The following YWHAQ variants were observed in gnomAD, a reference collection of about 807,000 sequenced individuals.
The protein encoded by YWHAQ is tyrosine 3-monooxygenase/tryptophan 5-monooxygenase activation protein theta.
In YWHAQ, 6 loss-of-function variants were observed where a neutral mutation model predicts 28.3. The ratio of observed to expected loss-of-function variants is 0.21; its 90% confidence interval spans 0.12 to 0.42. The LOEUF is 0.42. Ranked by LOEUF, YWHAQ falls within the 10% of genes least tolerant of loss-of-function variation. The pLI is 1.00. For synonymous variants in YWHAQ, 143 were observed against 119.1 expected (o/e 1.20, Z -1.31); for missense variants, 201 against 305.6 (o/e 0.66, Z 2.55).
Position 9,630,027 on chromosome 2 carries a change from G to T in YWHAQ, c.294+132C>A. 8.5e-7 allele frequency: 1 copy of T among 1,182,980 alleles called. No individual in the cohort carries two copies. Among genetic ancestry groups the T allele is most frequent in the Non-Finnish European group, 1.2e-6 (1 of 850,134 alleles). 73.3% of individuals were successfully genotyped at this position (1,182,980 alleles called of 1,614,324 possible). A position where few individuals can be genotyped will look rare whatever the true frequency, so the allele number is the denominator to read the frequency against. ...GGAGGGACACAGTAGGGAAGTCAGG[G>T]CTCACCTAAAACCCTCCACCCCAGC... On this transcript the variant is annotated intron_variant, in intron 2 of 5. Transcript: ENST00000238081. The surrounding 1 kb of genome is among the most constrained non-coding windows in gnomAD (Gnocchi z 5.6).
intron 3 of YWHAQ, among the ~76,000 whole-genome samples, chr2:9,590,264 T>A (rs1201067391): frequency 6.6e-6 from 1 of 152,214 alleles, no homozygotes; most frequent in Non-Finnish European, 1.5e-5. Flanking sequence ...CGTGCCCGTA[T>A]CATGTCCAAT....
At chr2:9,617,311 A>G (rs1050314048) in intron 2 of YWHAQ, among the ~76,000 whole-genome samples, 1 of 152,148 alleles carries the variant, frequency 6.6e-6, no homozygotes, top group South Asian at 2.1e-4. Flanking sequence ...CCACAAAAAG[A>G]AGCACAAAAT....
In YWHAQ at chr2:9,585,325, T is replaced by A. The variant is rs768281092; in HGVS notation, c.699A>T (p.Ala233=). The A allele has an allele frequency of 6.2e-7, 1 of 1,614,142 alleles. No individual in the cohort carries two copies. The highest frequency in any genetic ancestry group is 8.5e-7 in the Non-Finnish European group (1 of 1,179,980). Residue 233 remains alanine (A), a synonymous_variant, in exon 6 of 6, where the codon GCA becomes GCT. Transcript: ENST00000238081. Reference sequence around the variant, plus strand: ...CTTCTGCCGCATCACATTCTTCTCCTGCACTGTCTGATGTCCAAAGCTAGA... The same window carrying A: ...CTTCTGCCGCATCACATTCTTCTCCAGCACTGTCTGATGTCCAAAGCTAGA... ...DNLTLWTSDS[A]GEECDAAEGA... is the part of the protein sequence containing the mutation.
chr2:9,630,542 G>T lies in YWHAQ; in HGVS notation c.-82-8C>A. On this transcript the variant is annotated splice_polypyrimidine_tract_variant and splice_region_variant and intron_variant, in intron 1 of 5. Coordinates refer to ENST00000238081, the MANE Select transcript of YWHAQ (RefSeq NM_006826.4). This position sits in a 1 kb window ranked among gnomAD's most constrained non-coding sequence, Gnocchi z 5.6. ...CGGGAGGAGCCTCGAGAGCTGCGGA[G>T]GGGCGGGGCGGCGAGGCGAGAACAA... 4 of 1,293,628 alleles carry T rather than the reference G, an allele frequency of 3.1e-6. No individual in the cohort carries two copies. The highest frequency in any genetic ancestry group is 4.1e-6 in the Non-Finnish European group (4 of 970,802). The allele number at this position is 1,293,628 out of a possible 1,614,324, so 80.1% of individuals were successfully genotyped here. A position where few individuals can be genotyped will look rare whatever the true frequency, so the allele number is the denominator to read the frequency against.
chr2:9,595,088 G>A (rs1280100761), intron 2 of YWHAQ, among the ~76,000 whole-genome samples: 1 of 152,194 alleles, frequency 6.6e-6, no homozygotes, highest in Non-Finnish European at 1.5e-5. Flanking sequence ...CCATCCTGGA[G>A]TTTCAGCCAG....
intron 2 of YWHAQ, among the ~76,000 whole-genome samples, chr2:9,595,666 C>T (rs1666553988): frequency 6.7e-6 from 1 of 148,358 alleles, no homozygotes; most frequent in South Asian, 2.1e-4. Context: ...ATATTGCACT[C>T]CAGCCTGGGC....
At chr2:9,626,586 G>T (rs1558552544) in intron 2 of YWHAQ, among the ~76,000 whole-genome samples, 1 of 152,086 alleles carries the variant, frequency 6.6e-6, no homozygotes, top group Non-Finnish European at 1.5e-5. Flanking sequence ...GTGCCACCAC[G>T]CCTGGCTAAT....
chr2:9,608,492 G>A (rs558321074), intron 2 of YWHAQ, among the ~76,000 whole-genome samples: 3 of 152,256 alleles, frequency 2.0e-5, no homozygotes, highest in Admixed American at 1.3e-4. Flanking sequence ...CTAGTCAAAC[G>A]TTTATTTCAT....
At chr2:9,621,989 G>C (rs2125073539) in intron 2 of YWHAQ, among the ~76,000 whole-genome samples, 1 of 152,198 alleles carries the variant, frequency 6.6e-6, no homozygotes. Flanking sequence ...TGAACAATGA[G>C]AACACATGGA....
At chr2:9,611,570 C>T (rs1183971276) in intron 2 of YWHAQ, among the ~76,000 whole-genome samples, 1 of 152,148 alleles carries the variant, frequency 6.6e-6, no homozygotes, top group Non-Finnish European at 1.5e-5. Context: ...TTGGGAAATA[C>T]CCCCCAACAC....
chr2:9,622,780 AAAC>A (rs1482569733), intron 2 of YWHAQ, among the ~76,000 whole-genome samples: 1 of 152,226 alleles, frequency 6.6e-6, no homozygotes, highest in Non-Finnish European at 1.5e-5. Flanking sequence ...CTCAATATGC[AAAC>A]AATAGTTTCA....
chr2:9,618,969 C>T (rs1667088857), intron 2 of YWHAQ, among the ~76,000 whole-genome samples: 1 of 152,078 alleles, frequency 6.6e-6, no homozygotes. Context: ...ACTCTAATTA[C>T]AAATTCTACT....
At chr2:9,598,405 G>C (rs1017717297) in intron 2 of YWHAQ, among the ~76,000 whole-genome samples, 5 of 152,188 alleles carry the variant, frequency 3.3e-5, no homozygotes, top group Non-Finnish European at 7.3e-5. Flanking sequence ...CTAGCAGACA[G>C]ATCTCATTTT....
chr2:9,626,927 G>A (rs1484503911), intron 2 of YWHAQ, among the ~76,000 whole-genome samples: 2 of 152,192 alleles, frequency 1.3e-5, no homozygotes, highest in Non-Finnish European at 2.9e-5. Flanking sequence ...AGAATGGCTA[G>A]GACCTGCATT....
intron 2 of YWHAQ, among the ~76,000 whole-genome samples, chr2:9,607,948 T>C (rs1666868260): frequency 6.6e-6 from 1 of 152,058 alleles, no homozygotes; most frequent in Admixed American, 6.6e-5. Context: ...CCTGACGTAA[T>C]CCGCCCACCT....
At chr2:9,599,191 G>A (rs1163051519) in intron 2 of YWHAQ, among the ~76,000 whole-genome samples, 4 of 152,224 alleles carry the variant, frequency 2.6e-5, no homozygotes, top group Admixed American at 1.3e-4. Flanking sequence ...GCTGAGAGAA[G>A]TAAGGAAGCT....
Position 9,585,072 on chromosome 2 carries a change from T to C in YWHAQ, c.*214A>G, listed in dbSNP as rs1666315925. 20 of 566,360 alleles carry C rather than the reference T, an allele frequency of 3.5e-5. No individual in the cohort carries two copies. The South Asian group carries it at 4.3e-4, about 12-fold the overall frequency. The allele number at this position is 566,360 out of a possible 1,614,324, so 35.1% of individuals were successfully genotyped here. On this transcript the variant is annotated 3_prime_UTR_variant, in exon 6 of 6. Coordinates refer to ENST00000238081, the MANE Select transcript of YWHAQ (RefSeq NM_006826.4). ...TGTTTATATGAAATGAAGCTATTAA[T>C]ACTTTTCTACAGCAGTACTGCACAC...
chr2:9,597,983 C>CTTTTT (rs1558543507), intron 2 of YWHAQ, among the ~76,000 whole-genome samples: 1 of 79,086 alleles, frequency 1.3e-5, no homozygotes, highest in African/African-American at 8.3e-5. Context: ...CCATGCCGGG[C>CTTTTT]TATTTTTTTT....
At chr2:9,614,185 AG>A (rs1441819013) in intron 2 of YWHAQ, among the ~76,000 whole-genome samples, 1 of 152,236 alleles carries the variant, frequency 6.6e-6, no homozygotes, top group African/African-American at 2.4e-5. Context: ...CAGGTTTGGA[AG>A]AAAAGTTTAA....
Sources: allele counts gnomAD v4.1 joint callset (sites outside exome capture counted in the v4.1 genomes callset), GRCh38; gene constraint gnomAD v4.1.1; non-coding constraint Gnocchi (gnomAD v3.1); transcripts MANE v1.5; gene names NCBI Gene and HGNC (gene_info 2026-07-23, HGNC 2026-07-21).